SEM1: variants seen among roughly 807,000 people sequenced by gnomAD.
SEM1 encodes the protein SEM1 26S proteasome subunit.
A neutral mutation model predicts 12.7 loss-of-function variants in SEM1; 3 were observed. The ratio of observed to expected loss-of-function variants is 0.24; its 90% CI spans 0.11 to 0.61. The LOEUF is 0.61. Ranked by LOEUF, SEM1 falls within the 20% of genes least tolerant of loss-of-function variation. The pLI is 0.88. For synonymous variants in SEM1, 30 were observed against 27.8 expected, an observed-to-expected ratio of 1.08 and a Z score of -0.25; for missense variants, 59 against 81.3, an observed-to-expected ratio of 0.73 and a Z score of 1.06.
chr7:96,591,650 C>T (rs910725323), intron 2 of SEM1, among the ~76,000 whole-genome samples: 7 of 152,268 alleles, frequency 4.6e-5, no homozygotes, highest in Middle Eastern at 3.4e-3. Context: ...ACTTTGCTTA[C>T]CCCTGAATAA....
At chr7:96,683,929 T>C (rs1370735819), downstream of SEM1, among the ~76,000 whole-genome samples, 2 of 152,190 alleles carry the variant, frequency 1.3e-5, no homozygotes, top group South Asian at 2.1e-4. Context: ...CTAATGTAGA[T>C]GATGGGTTGA....
At chr7:96,541,023 T>C (rs1337361156) in intron 2 of SEM1, among the ~76,000 whole-genome samples, 2 of 151,854 alleles carry the variant, frequency 1.3e-5, no homozygotes, top group African/African-American at 4.8e-5. Context: ...TGCTATTATC[T>C]GTGAATAGTG....
At chr7:96,610,801 C>T (rs796519492) in intron 2 of SEM1, among the ~76,000 whole-genome samples, 4 of 152,290 alleles carry the variant, frequency 2.6e-5, no homozygotes, top group African/African-American at 9.6e-5. Flanking sequence ...CACAGCGTTG[C>T]TGTTGGCCCT....
At chr7:96,617,527 A>G (rs148769603) in intron 2 of SEM1, among the ~76,000 whole-genome samples, 1,842 of 152,164 alleles carry the variant, frequency 0.012, 45 homozygotes, top group African/African-American at 0.041. Flanking sequence ...GGATGTTTTT[A>G]TTTCCTTTTC....
chr7:96,633,611 T>A (rs1808339407), intron 2 of SEM1, among the ~76,000 whole-genome samples: 1 of 152,122 alleles, frequency 6.6e-6, no homozygotes, highest in Admixed American at 6.6e-5. Context: ...CCAGAAACAC[T>A]TATATTGCAC....
At chr7:96,615,420 A>G (rs1309414393) in intron 2 of SEM1, among the ~76,000 whole-genome samples, 1 of 151,524 alleles carries the variant, frequency 6.6e-6, no homozygotes, top group Non-Finnish European at 1.5e-5. Flanking sequence ...ATGCCTGGCT[A>G]ATTTTTGTAT....
chr7:96,522,972 T>C (rs1804333904), intron 2 of SEM1, among the ~76,000 whole-genome samples: 1 of 151,894 alleles, frequency 6.6e-6, no homozygotes, highest in Non-Finnish European at 1.5e-5. Context: ...TCCCATTTTA[T>C]CATGAATCTA....
chr7:96,495,263 TA>T, intron 1 of SEM1, among the ~76,000 whole-genome samples: 1 of 152,284 alleles, frequency 6.6e-6, no homozygotes, highest in African/African-American at 2.4e-5. Flanking sequence ...TGTATTTAGA[TA>T]GACTTTTTCA....
chr7:96,580,796 C>T (rs564635485), intron 2 of SEM1, among the ~76,000 whole-genome samples: 36 of 152,112 alleles, frequency 2.4e-4, no homozygotes, highest in African/African-American at 3.4e-4. Flanking sequence ...TCATGTCCTT[C>T]GCCCACTTTT....
chr7:96,670,181 C>T (rs1179087189), downstream of SEM1, among the ~76,000 whole-genome samples: 2 of 151,952 alleles, frequency 1.3e-5, no homozygotes, highest in Non-Finnish European at 2.9e-5. Context: ...TAATAAATAA[C>T]AAAATCTATA....
At chr7:96,502,882 G>A (rs1803616455) in intron 3 of SEM1, among the ~76,000 whole-genome samples, 1 of 152,274 alleles carries the variant, frequency 6.6e-6, no homozygotes, top group South Asian at 2.1e-4. Context: ...ACCATAAGAG[G>A]CATTCTATAA....
chr7:96,597,106 A>T (rs1226114172), intron 2 of SEM1, among the ~76,000 whole-genome samples: 1 of 152,222 alleles, frequency 6.6e-6, no homozygotes, highest in Non-Finnish European at 1.5e-5. Flanking sequence ...ATGGCTAGGA[A>T]TCAAACTAAA....
rs147222501 is a variant in SEM1, at chr7:96,522,074, A to T, written c.171-15376T>A. Among the ~76,000 whole-genome samples, 349 of 152,238 alleles carry T rather than the reference A, an allele frequency of 2.3e-3. 2 individuals carry two copies. Among genetic ancestry groups the T allele is most frequent in the African/African-American group, 8.0e-3 (333 of 41,554 alleles). On this transcript the variant is annotated intron_variant and NMD_transcript_variant, in intron 2 of 3. Coordinates refer to the SEM1 transcript ENST00000466986. Reference sequence around the variant, plus strand: ...CTTTGTTTCCCCTCTTTTCAAAATCAATTTTGCCAAATTGTTAATTACCCT... The same window carrying T: ...CTTTGTTTCCCCTCTTTTCAAAATCTATTTTGCCAAATTGTTAATTACCCT...
chr7:96,682,112 A>T (rs761365615), intron 2 of SEM1, among the ~76,000 whole-genome samples: 4 of 151,668 alleles, frequency 2.6e-5, no homozygotes, highest in Non-Finnish European at 5.9e-5. Flanking sequence ...CCCCTTGTAA[A>T]TTGTAGTCCT....
chr7:96,525,533 A>T (rs6945815), intron 2 of SEM1, among the ~76,000 whole-genome samples: 45,786 of 152,044 alleles, frequency 0.3, 8,476 homozygotes, highest in East Asian at 0.67. Context: ...TTCAACTCAG[A>T]TTTTTAAGAA....
intron 2 of SEM1, among the ~76,000 whole-genome samples, chr7:96,532,043 G>T (rs1428256154): frequency 1.3e-5 from 2 of 151,994 alleles, no homozygotes; most frequent in African/African-American, 4.8e-5. Flanking sequence ...CTGGGACATT[G>T]TAAGTGATCT....
At chr7:96,584,337 G>T (rs1806533360) in intron 2 of SEM1, among the ~76,000 whole-genome samples, 1 of 152,140 alleles carries the variant, frequency 6.6e-6, no homozygotes, top group African/African-American at 2.4e-5. Context: ...CGAGAGATCT[G>T]CTGTTAGTCT....
chr7:96,566,116 T>C (rs192203006), intron 2 of SEM1, among the ~76,000 whole-genome samples: 1 of 151,854 alleles, frequency 6.6e-6, no homozygotes, highest in East Asian at 1.9e-4. Context: ...TATTTTAAAA[T>C]ATTATTTTAT....
intron 2 of SEM1, among the ~76,000 whole-genome samples, chr7:96,526,109 C>T (rs1355997961): frequency 6.6e-6 from 1 of 152,086 alleles, no homozygotes; most frequent in Non-Finnish European, 1.5e-5. Flanking sequence ...TCAAACCAAC[C>T]CCTGTCAAAC....
Sources: allele counts gnomAD v4.1 joint callset (sites outside exome capture counted in the v4.1 genomes callset), GRCh38; gene constraint gnomAD v4.1.1; transcripts MANE v1.5; gene names NCBI Gene and HGNC (gene_info 2026-07-23, HGNC 2026-07-21).